CWF19L2: variants seen among roughly 807,000 people sequenced by gnomAD.
CWF19L2 encodes the protein CWF19 like cell cycle control factor 2, also known as CWF19-like protein 2.
Under a neutral mutation model 111.7 loss-of-function variants are expected in CWF19L2, and 98 were observed. That is an observed-to-expected ratio of 0.88 (90% CI 0.75 to 1.04). The LOEUF (loss-of-function observed/expected upper bound fraction) is 1.04, where lower values mean the gene tolerates loss of function less well. Among genes scored for constraint, CWF19L2 ranks in the 50% least tolerant of loss-of-function variants. The pLI, the probability that CWF19L2 is intolerant of heterozygous loss-of-function variation, is 0.00. For missense variants in CWF19L2, 1,101 were observed against 1,051.4 expected, an observed-to-expected ratio of 1.05 and a Z score of -0.65; for synonymous variants, 351 against 342.9, an observed-to-expected ratio of 1.02 and a Z score of -0.26.
intron 10 of CWF19L2, chr11:107,403,497 C>T (rs1183107304): frequency 2.4e-6 from 2 of 846,714 alleles, no homozygotes; most frequent in Admixed American, 1.7e-5. Context: ...CTGGTTCCTT[C>T]CTCTGCCATA....
intron 12 of CWF19L2, among the ~76,000 whole-genome samples, chr11:107,376,192 G>A (rs1451716535): frequency 1.6e-5 from 2 of 123,056 alleles, no homozygotes; most frequent in African/African-American, 7.0e-5. Context: ...GGTACAAGGA[G>A]GAACTGGTAC....
chr11:107,329,126 A>C (rs534058385), intron 17 of CWF19L2, among the ~76,000 whole-genome samples: 1 of 152,252 alleles, frequency 6.6e-6, no homozygotes, highest in African/African-American at 2.4e-5. Context: ...CATAGGGATA[A>C]ATATGAATGG....
At chr11:107,434,634 T>C (rs1268931829) in intron 6 of CWF19L2, among the ~76,000 whole-genome samples, 1 of 146,020 alleles carries the variant, frequency 6.8e-6, no homozygotes, top group Non-Finnish European at 1.5e-5. Context: ...ACCTACATTG[T>C]GATATATTCC....
chr11:107,408,378 G>A (rs1035311961), intron 10 of CWF19L2, among the ~76,000 whole-genome samples: 4 of 151,906 alleles, frequency 2.6e-5, no homozygotes, highest in Non-Finnish European at 5.9e-5. Flanking sequence ...GTCAAGACAA[G>A]AGATGATGGT....
intron 17 of CWF19L2, among the ~76,000 whole-genome samples, chr11:107,329,446 T>C (rs1859810607): frequency 6.6e-6 from 1 of 152,196 alleles, no homozygotes; most frequent in South Asian, 2.1e-4. Context: ...CATGACTATA[T>C]GTACTCCTAG....
At chr11:107,353,996 C>T (rs1860198648) in intron 12 of CWF19L2, among the ~76,000 whole-genome samples, 1 of 152,030 alleles carries the variant, frequency 6.6e-6, no homozygotes, top group South Asian at 2.1e-4. Context: ...GTGGTGGGGA[C>T]CATTAGCATT....
At chr11:107,434,961 CATATATA>C (rs957506317) in intron 6 of CWF19L2, among the ~76,000 whole-genome samples, 4 of 152,006 alleles carry the variant, frequency 2.6e-5, no homozygotes, top group Admixed American at 1.3e-4. Flanking sequence ...TATTTATGTA[CATATATA>C]ATATATATGT....
At chr11:107,457,627 A>C in intron 1 of CWF19L2, 85 bp downstream of exon 1, 1 of 948,714 alleles carries the variant, frequency 1.1e-6, no homozygotes. Context: ...CTGACGAGGT[A>C]AGGGAAGGGG....
At chr11:107,338,198 G>A (rs1859955733) in intron 14 of CWF19L2, among the ~76,000 whole-genome samples, 1 of 152,086 alleles carries the variant, frequency 6.6e-6, no homozygotes, top group South Asian at 2.1e-4. Flanking sequence ...AGCCACCTGA[G>A]TAGCTACTCA....
intron 10 of CWF19L2, among the ~76,000 whole-genome samples, chr11:107,394,668 T>C (rs955990736): frequency 2.6e-5 from 4 of 152,154 alleles, no homozygotes; most frequent in Admixed American, 2.6e-4. Flanking sequence ...CTGCCTTGTA[T>C]AAGCTTATGG....
intron 6 of CWF19L2, among the ~76,000 whole-genome samples, chr11:107,436,781 G>T (rs1406422580): frequency 1.2e-4 from 19 of 152,118 alleles, no homozygotes; most frequent in Admixed American, 1.2e-3. Flanking sequence ...GCTGGACTAG[G>T]AATCAGAAGA....
chr11:107,356,816 T>A (rs372005331), intron 12 of CWF19L2, among the ~76,000 whole-genome samples: 55 of 152,258 alleles, frequency 3.6e-4, no homozygotes, highest in African/African-American at 1.2e-3. Context: ...GGTGGGCGGA[T>A]CACCTGAGGT....
intron 12 of CWF19L2, among the ~76,000 whole-genome samples, chr11:107,378,315 C>A (rs1257762236): frequency 3.0e-4 from 45 of 150,236 alleles, no homozygotes; most frequent in African/African-American, 1.1e-3. Context: ...GACACATGCA[C>A]ACGTATGTTT....
At position 107,368,485 on chromosome 11, in the gene CWF19L2, ACAT is replaced by A. The variant is rs1230478300; in HGVS notation, c.1873-14752_1873-14750del. On this transcript the variant is annotated intron_variant, in intron 12 of 17. Coordinates refer to ENST00000282251, the MANE Select transcript of CWF19L2 (RefSeq NM_152434.3). ...TATTTTGAAAATTTGTCTGGCATAC[ACAT>A]CCACTTGCCGTCACAGTAACTACTA... 1.4e-5 allele frequency among the ~76,000 whole-genome samples: 2 copies of A among 138,078 alleles called. 1 individual carries two copies. The highest frequency in any genetic ancestry group is 3.1e-5 in the Non-Finnish European group (2 of 64,330). The allele number at this position is 138,078 out of a possible 152,430, so 90.6% of individuals were successfully genotyped here. A position where few individuals can be genotyped will look rare whatever the true frequency, so the allele number is the denominator to read the frequency against.
At chr11:107,426,948 A>G (rs1187256839) in intron 8 of CWF19L2, among the ~76,000 whole-genome samples, 1 of 151,978 alleles carries the variant, frequency 6.6e-6, no homozygotes, top group Non-Finnish European at 1.5e-5. Context: ...TATGCTTCAT[A>G]TTCTTGTTTT....
intron 12 of CWF19L2, among the ~76,000 whole-genome samples, chr11:107,372,854 G>C (rs1397755996): frequency 7.7e-6 from 1 of 130,172 alleles, no homozygotes; most frequent in Non-Finnish European, 1.6e-5. Context: ...ATTTCCATCT[G>C]AGGTACCGGG....
chr11:107,408,500 A>G (rs540112252), intron 10 of CWF19L2, among the ~76,000 whole-genome samples: 1 of 152,088 alleles, frequency 6.6e-6, no homozygotes, highest in African/African-American at 2.4e-5. Flanking sequence ...ACTAGAGAAC[A>G]GACAGATTCT....
chr11:107,422,389 C>T (rs985184224), intron 8 of CWF19L2, among the ~76,000 whole-genome samples: 1 of 151,882 alleles, frequency 6.6e-6, no homozygotes, highest in Non-Finnish European at 1.5e-5. Context: ...CAACTGTAGT[C>T]TATAATGAAA....
chr11:107,354,292 A>C (rs1395722108), intron 12 of CWF19L2, among the ~76,000 whole-genome samples: 3 of 152,340 alleles, frequency 2.0e-5, no homozygotes, highest in African/African-American at 7.2e-5. Flanking sequence ...CTTGAAAGCC[A>C]ACTAAATCAT....
Sources: gnomAD v4.1 joint callset for allele counts (sites outside exome capture counted in the v4.1 genomes callset) on GRCh38, gnomAD v4.1.1 for gene constraint, MANE v1.5 for transcripts, NCBI Gene and HGNC (gene_info 2026-07-23, HGNC 2026-07-21) for gene names.